Variants in ADAMTS9 observed in about 807,000 individuals in gnomAD.
The protein encoded by ADAMTS9 is A disintegrin and metalloproteinase with thrombospondin motifs 9.
Under a neutral mutation model 257.1 loss-of-function variants are expected in ADAMTS9, and 107 were observed. That is an observed-to-expected ratio of 0.42 (90% CI 0.36 to 0.49). ADAMTS9 has a LOEUF of 0.49. Ranked by LOEUF, ADAMTS9 falls within the 20% of genes least tolerant of loss-of-function variation. The pLI, the probability that ADAMTS9 is intolerant of heterozygous loss-of-function variation, is 0.03. For missense variants in ADAMTS9, 2,353 were observed against 2,469.1 expected (o/e 0.95, Z 1.00); for synonymous variants, 982 against 880.9 (o/e 1.11, Z -2.03).
chr3:64,625,452 G>T (rs1700202220), intron 16 of ADAMTS9, among the ~76,000 whole-genome samples: 1 of 152,174 alleles, frequency 6.6e-6, no homozygotes, highest in Admixed American at 6.5e-5. Flanking sequence ...TACTAAAGAG[G>T]GCAGAGATGA....
chr3:64,627,333 C>A (rs115042073), intron 16 of ADAMTS9, among the ~76,000 whole-genome samples: 1 of 151,836 alleles, frequency 6.6e-6, no homozygotes, highest in African/African-American at 2.4e-5. Flanking sequence ...ATTCCTCTTA[C>A]GATCTGCCGT....
intron 19 of ADAMTS9, among the ~76,000 whole-genome samples, chr3:64,620,274 T>G (rs1018909889): frequency 6.6e-6 from 1 of 152,216 alleles, no homozygotes; most frequent in Non-Finnish European, 1.5e-5. Flanking sequence ...TAATCTGCCC[T>G]AAAGCACTAC....
At chr3:64,518,556 CT>C (rs1290570460) in intron 39 of ADAMTS9, among the ~76,000 whole-genome samples, 1 of 152,086 alleles carries the variant, frequency 6.6e-6, no homozygotes, top group Non-Finnish European at 1.5e-5. Context: ...CTCCTGTGGA[CT>C]TTGTTAAAAT....
chr3:64,624,046 T>G (rs1439060439), intron 16 of ADAMTS9, among the ~76,000 whole-genome samples: 4 of 135,000 alleles, frequency 3.0e-5, no homozygotes, highest in African/African-American at 8.5e-5. Context: ...GAGGGTAGAG[T>G]GGTAAATGCC....
chr3:64,628,873 C>G (rs955081554), intron 16 of ADAMTS9, among the ~76,000 whole-genome samples: 1 of 152,110 alleles, frequency 6.6e-6, no homozygotes, highest in Non-Finnish European at 1.5e-5. Context: ...ATATCAGTAG[C>G]TGAAGATGTA....
At chr3:64,683,336 A>G (rs868541129) in intron 2 of ADAMTS9, among the ~76,000 whole-genome samples, 25 of 152,300 alleles carry the variant, frequency 1.6e-4, no homozygotes, top group South Asian at 1.2e-3. Flanking sequence ...CACAGCATTG[A>G]GTCTAACCTG....
intron 3 of ADAMTS9, 28 bp downstream of exon 3, chr3:64,681,173 G>A (rs1288621257): frequency 6.2e-7 from 1 of 1,601,656 alleles, no homozygotes. Context: ...AAAGAGCTGG[G>A]CTCTCCGCTT....
At chr3:64,647,488 G>A (rs1240202994) in intron 11 of ADAMTS9, among the ~76,000 whole-genome samples, 2 of 152,168 alleles carry the variant, frequency 1.3e-5, no homozygotes, top group Non-Finnish European at 2.9e-5. Flanking sequence ...GAACAACACC[G>A]GTTGGCAAAA....
At chr3:64,601,886 T>C in intron 26 of ADAMTS9, 58 bp downstream of exon 26, 1 of 1,528,130 alleles carries the variant, frequency 6.5e-7, no homozygotes, top group Non-Finnish European at 8.8e-7. Flanking sequence ...CTAGTCTCTT[T>C]TACCCTAAAC....
chr3:64,518,629 T>G (rs527739610), intron 39 of ADAMTS9, among the ~76,000 whole-genome samples: 13 of 152,230 alleles, frequency 8.5e-5, no homozygotes, highest in African/African-American at 3.1e-4. Context: ...AACAAGTTCC[T>G]AGGTAAAGCT....
chr3:64,620,715 G>C (rs74820733), intron 19 of ADAMTS9, among the ~76,000 whole-genome samples: 6,078 of 152,072 alleles, frequency 0.04, 157 homozygotes, highest in African/African-American at 0.07. Context: ...TCTTCTACTG[G>C]GTGGTATACA....
chr3:64,604,254 G>A lies in ADAMTS9; in HGVS notation c.3552C>T (p.Thr1184=), dbSNP rs748131509. 1.9e-6 allele frequency: 3 copies of A among 1,613,474 alleles called. No homozygotes were observed. Among genetic ancestry groups the A allele is most frequent in the Non-Finnish European group, 1.7e-6 (2 of 1,179,830 alleles). ...TRRSTYSAPR[T]QWRFGSWTPC... is the part of the protein sequence containing the mutation. ...GGGTCCAAGACCCAAATCGCCACTG[G>A]GTTCTTGGTGCACTGTATGTGCTTC... Residue 1184 remains threonine (T), a synonymous_variant, in exon 24 of 40, where the codon ACC becomes ACT. Coordinates refer to ENST00000498707, the MANE Select transcript of ADAMTS9 (RefSeq NM_182920.2).
chr3:64,591,276 C>A (rs966452001), intron 28 of ADAMTS9, among the ~76,000 whole-genome samples: 1 of 152,002 alleles, frequency 6.6e-6, no homozygotes, highest in Non-Finnish European at 1.5e-5. Flanking sequence ...CCCGTCTCTA[C>A]TAAAAATACA....
chr3:64,521,976 C>T (rs2082857837), intron 39 of ADAMTS9, among the ~76,000 whole-genome samples, 190 bp downstream of exon 39: 1 of 152,188 alleles, frequency 6.6e-6, no homozygotes, highest in Admixed American at 6.5e-5. Context: ...GAAGCCATGT[C>T]TAATGGCAGA....
intron 29 of ADAMTS9, among the ~76,000 whole-genome samples, chr3:64,564,339 T>C (rs923294723): frequency 6.6e-6 from 1 of 152,216 alleles, no homozygotes; most frequent in South Asian, 2.1e-4. Flanking sequence ...AGAATCTCCA[T>C]TGAACTTTTG....
intron 3 of ADAMTS9, among the ~76,000 whole-genome samples, chr3:64,660,583 G>C (rs769513515): frequency 3.3e-5 from 5 of 152,128 alleles, no homozygotes; most frequent in Non-Finnish European, 7.3e-5. Context: ...CCTGGGGCTG[G>C]AAATCATCCT....
chr3:64,617,622 A>G (rs1341134689), intron 19 of ADAMTS9, among the ~76,000 whole-genome samples: 1 of 152,154 alleles, frequency 6.6e-6, no homozygotes, highest in Non-Finnish European at 1.5e-5. Context: ...TACTAAGTAG[A>G]AACTGAGAAA....
In ADAMTS9 at chr3:64,538,604, G is replaced by GT. The variant is rs561106657; in HGVS notation, c.5613+598dup. Among the ~76,000 whole-genome samples the GT allele has an allele frequency of 4.6e-5, 7 of 152,048 alleles. 1 individual carries two copies. The South Asian group carries it at 1.2e-3, about 27-fold the overall frequency. On this transcript the variant is annotated intron_variant, in intron 37 of 39. Transcript: ENST00000498707. ...TACTGCATGTAGTGTTTTGCATCTTGTTTTTTCTGTCTAATCCATGTAAAG... is the reference window on the plus strand; with the variant it reads ...TACTGCATGTAGTGTTTTGCATCTTGTTTTTTTCTGTCTAATCCATGTAAAG...
chr3:64,551,427 T>A (rs995745400), intron 30 of ADAMTS9, among the ~76,000 whole-genome samples: 5 of 152,124 alleles, frequency 3.3e-5, no homozygotes, highest in African/African-American at 1.2e-4. Context: ...GCCAGGATGA[T>A]CTCGATCTCC....
Sources: gnomAD v4.1 joint callset for allele counts (sites outside exome capture counted in the v4.1 genomes callset) on GRCh38, gnomAD v4.1.1 for gene constraint, MANE v1.5 for transcripts, NCBI Gene and HGNC (gene_info 2026-07-23, HGNC 2026-07-21) for gene names.